The following PRDM16 variants were observed in gnomAD, a reference collection of about 807,000 sequenced individuals.
PRDM16 encodes histone-lysine N-methyltransferase PRDM16.
PRDM16 carries 23 observed loss-of-function variants against 110.6 expected under a neutral mutation model. The observed-to-expected ratio is 0.21, with a 90% CI of 0.15 to 0.29. PRDM16 has a LOEUF of 0.29. Ranked by LOEUF, PRDM16 falls within the 10% of genes least tolerant of loss-of-function variation. PRDM16 has a pLI of 1.00. For missense variants in PRDM16, 1,615 were observed against 1,794.3 expected, an observed-to-expected ratio of 0.90 and a Z score of 1.81; for synonymous variants, 799 against 781.8, an observed-to-expected ratio of 1.02 and a Z score of -0.37.
chr1:3,319,008 A>G (rs1474111898), intron 3 of PRDM16, among the ~76,000 whole-genome samples: 4 of 152,226 alleles, frequency 2.6e-5, no homozygotes, highest in Non-Finnish European at 4.4e-5. Context: ...ATTTAGAGTG[A>G]CATCCAGAAA....
chr1:3,213,100 G>A lies in PRDM16; in HGVS notation c.387+26626G>A, dbSNP rs185657355. On this transcript the variant is annotated intron_variant, in intron 2 of 16. Coordinates refer to ENST00000270722, the MANE Select transcript of PRDM16 (RefSeq NM_022114.4). The surrounding 1 kb of genome is among the most constrained non-coding windows in gnomAD (Gnocchi z 5.3). ...CCCGGGAGGCCGAGCTCAGGAAGACGCGGCAAATCCCATCCTATGTGCTTG... is the reference window on the plus strand; with the variant it reads ...CCCGGGAGGCCGAGCTCAGGAAGACACGGCAAATCCCATCCTATGTGCTTG... Among the ~76,000 whole-genome samples, 521 of 152,294 alleles carry A rather than the reference G, an allele frequency of 3.4e-3. 4 individuals are homozygous for A. Among genetic ancestry groups the A allele is most frequent in the Middle Eastern group, 0.01 (3 of 294 alleles).
chr1:3,094,562 G>C (rs528203697), intron 1 of PRDM16, among the ~76,000 whole-genome samples: 1 of 152,230 alleles, frequency 6.6e-6, no homozygotes, highest in Non-Finnish European at 1.5e-5. Flanking sequence ...AGCCAGGGCC[G>C]GGACGCTATA....
At chr1:3,163,321 C>G (rs1736523) in intron 1 of PRDM16, among the ~76,000 whole-genome samples, 467 of 26,996 alleles carry the variant, frequency 0.017, 146 homozygotes, top group African/African-American at 0.091. Context: ...GAGGGGATGT[C>G]CGCAGAAGCC....
At chr1:3,115,874 C>T (rs1642945715) in intron 1 of PRDM16, among the ~76,000 whole-genome samples, 1 of 152,208 alleles carries the variant, frequency 6.6e-6, no homozygotes, top group African/African-American at 2.4e-5. Flanking sequence ...CTGGCCCATG[C>T]TTTGAAGTCT....
intron 1 of PRDM16, among the ~76,000 whole-genome samples, chr1:3,182,395 C>T (rs973042791): frequency 6.6e-6 from 1 of 152,188 alleles, no homozygotes; most frequent in Non-Finnish European, 1.5e-5. Context: ...GGGCTCCTGT[C>T]CTGGCCGGTT....
At position 3,425,594 on chromosome 1, in the gene PRDM16, G is replaced by A. The variant is rs758565663; in HGVS notation, c.2953G>A (p.Asp985Asn). 243 of 1,613,624 alleles carry A rather than the reference G, an allele frequency of 1.5e-4. No homozygotes were observed. The highest frequency in any genetic ancestry group is 1.8e-4 in the Non-Finnish European group (209 of 1,179,910). The change falls in exon 13 of 17, where the codon GAC (aspartate) becomes AAC (asparagine). Residue 985 changes from aspartate to asparagine, a missense_variant. Coordinates refer to ENST00000270722, the MANE Select transcript of PRDM16 (RefSeq NM_022114.4). This position sits in a 1 kb window ranked among gnomAD's most constrained non-coding sequence, Gnocchi z 6.9. ...GEQPYRCKYC[D>N]RSFSISSNLQ... is the part of the protein sequence containing the mutation. ...TGCCCCTTCCAGGTGTAAGTACTGC[G>A]ACCGCTCCTTCAGCATCTCTTCGAA... is the stretch of plus-strand genomic sequence containing the variant.
At chr1:3,149,458 T>C (rs1296872490) in intron 1 of PRDM16, among the ~76,000 whole-genome samples, 1 of 152,102 alleles carries the variant, frequency 6.6e-6, no homozygotes, top group Admixed American at 6.5e-5. Flanking sequence ...TGTGGGTGCC[T>C]GCAGGCCTGC....
Position 3,435,939 on chromosome 1 carries a change from G to T in PRDM16, c.*2128G>T, listed in dbSNP as rs1537404. The T allele has an allele frequency of 2.2e-5, 5 of 230,854 alleles. No individual in the cohort carries two copies. The highest frequency in any genetic ancestry group is 6.1e-5 in the East Asian group (1 of 16,314). 14.3% of individuals were successfully genotyped at this position (230,854 alleles called of 1,614,324 possible). On this transcript the variant is annotated 3_prime_UTR_variant, in exon 17 of 17. Transcript: ENST00000270722. The stretch of plus-strand genomic sequence containing the variant: ...TGCGCTGGGGCCATGGGGTGGCCCC[G>T]CCGGGGCAGCGGGGGAGCTGCCTGC...
chr1:3,284,758 G>A (rs1373072593), intron 3 of PRDM16, among the ~76,000 whole-genome samples: 1 of 152,232 alleles, frequency 6.6e-6, no homozygotes, highest in Non-Finnish European at 1.5e-5. Flanking sequence ...GCGTCTTGGG[G>A]GCTTCACGGA....
rs550681974 is a variant in PRDM16 at position 3,090,499 on chromosome 1, C to T, written c.37+21203C>T. 7.4e-4 allele frequency among the ~76,000 whole-genome samples: 113 copies of T among 152,378 alleles called. 1 individual carries two copies. The highest frequency in any genetic ancestry group is 2.6e-3 in the African/African-American group (110 of 41,594). ...GACCACCCATGAAACGTGGACATTCCTCAGGCAGCCAGTGGCTGTTTTCAC... is the reference window on the plus strand; with the variant it reads ...GACCACCCATGAAACGTGGACATTCTTCAGGCAGCCAGTGGCTGTTTTCAC... On this transcript the variant is annotated intron_variant, in intron 1 of 16. Coordinates refer to ENST00000270722, the MANE Select transcript of PRDM16 (RefSeq NM_022114.4).
intron 2 of PRDM16, among the ~76,000 whole-genome samples, chr1:3,186,820 A>G (rs28636820): frequency 0.012 from 1,863 of 152,316 alleles, 43 homozygotes; most frequent in African/African-American, 0.041. Context: ...GAAGTCCCAG[A>G]ACAGGCAGCT....
At chr1:3,074,638 G>A (rs961514776) in intron 1 of PRDM16, among the ~76,000 whole-genome samples, 2 of 152,206 alleles carry the variant, frequency 1.3e-5, no homozygotes, top group Admixed American at 1.3e-4. Flanking sequence ...CAGGCACAGA[G>A]GAGCAGAAAC....
At chr1:3,409,887 G>GTGTA in intron 8 of PRDM16, among the ~76,000 whole-genome samples, 1 of 119,266 alleles carries the variant, frequency 8.4e-6, no homozygotes, top group Non-Finnish European at 1.7e-5. Context: ...GTGGTTGTGT[G>GTGTA]CATGTGTGTG....
At chr1:3,268,292 C>G (rs556920854) in intron 3 of PRDM16, among the ~76,000 whole-genome samples, 1 of 152,336 alleles carries the variant, frequency 6.6e-6, no homozygotes, top group African/African-American at 2.4e-5. Flanking sequence ...CTTTGTCAGG[C>G]TCCGAGCAAT....
At chr1:3,377,618 G>A (rs907176427) in intron 3 of PRDM16, among the ~76,000 whole-genome samples, 1 of 152,164 alleles carries the variant, frequency 6.6e-6, no homozygotes, top group Non-Finnish European at 1.5e-5. Context: ...GGAGGTCCTA[G>A]GACTCCTGAG....
rs1337424127 is a variant in PRDM16, at chr1:3,190,294, C to T, written c.387+3820C>T. Among the ~76,000 whole-genome samples the T allele has an allele frequency of 6.6e-6, 1 of 151,872 alleles. No individual in the cohort carries two copies. Among genetic ancestry groups the T allele is most frequent in the African/African-American group, 2.4e-5 (1 of 41,280 alleles). The stretch of plus-strand genomic sequence containing the variant: ...GCCTTACTTCAAGGTCGTGGGGCAG[C>T]CTTACTTTAAGTGGGAGCTTTCCGT... On this transcript the variant is annotated intron_variant, in intron 2 of 16. Transcript: ENST00000270722. This position sits in a 1 kb window ranked among gnomAD's most constrained non-coding sequence, Gnocchi z 5.0.
At chr1:3,248,859 T>G (rs1305027806) in intron 3 of PRDM16, among the ~76,000 whole-genome samples, 1 of 152,218 alleles carries the variant, frequency 6.6e-6, no homozygotes, top group East Asian at 1.9e-4. Flanking sequence ...GCAAAATGCC[T>G]CTGGTAACGA....
In PRDM16 at chr1:3,217,781, G is replaced by C. The variant is rs563714418; in HGVS notation, c.388-26306G>C. 3.9e-5 allele frequency among the ~76,000 whole-genome samples: 6 copies of C among 152,260 alleles called. No homozygotes were observed. The East Asian group carries it at 1.2e-3, about 30-fold the overall frequency. On this transcript the variant is annotated intron_variant, in intron 2 of 16. Coordinates refer to ENST00000270722, the MANE Select transcript of PRDM16 (RefSeq NM_022114.4). ...AGCCCAGTTTTCCTTGAGGCCCTGC[G>C]AGTTTCATTTTGGGCTGGCTGGGAC... is the stretch of plus-strand genomic sequence containing the variant.
intron 1 of PRDM16, among the ~76,000 whole-genome samples, chr1:3,137,861 T>C (rs76650675): frequency 0.023 from 3,453 of 152,362 alleles, 125 homozygotes; most frequent in African/African-American, 0.073. Flanking sequence ...AGCCAGGTCC[T>C]GCCATCCTCC....
Sources: gnomAD v4.1 joint callset for allele counts (sites outside exome capture counted in the v4.1 genomes callset) on GRCh38, gnomAD v4.1.1 for gene constraint, Gnocchi (gnomAD v3.1) non-coding constraint, MANE v1.5 for transcripts, NCBI Gene and HGNC (gene_info 2026-07-23, HGNC 2026-07-21) for gene names.